DLG2: variants seen among roughly 807,000 people sequenced by gnomAD.
The protein encoded by DLG2 is discs large MAGUK scaffold protein 2.
A neutral mutation model predicts 132.5 loss-of-function variants in DLG2; 45 were observed. The ratio of observed to expected loss-of-function variants is 0.34; its 90% CI spans 0.27 to 0.44. The LOEUF (loss-of-function observed/expected upper bound fraction) is 0.44. Among genes scored for constraint, DLG2 ranks in the 20% least tolerant of loss-of-function variants. DLG2 has a pLI of 1.00. For synonymous variants in DLG2, 424 were observed against 419.6 expected (o/e 1.01, Z -0.13); for missense variants, 1,045 against 1,196.9 (o/e 0.87, Z 1.87).
chr11:84,308,294 A>C (rs574673637), intron 7 of DLG2, among the ~76,000 whole-genome samples: 2 of 152,230 alleles, frequency 1.3e-5, no homozygotes, highest in Admixed American at 1.3e-4. Flanking sequence ...AAGGTTCTCC[A>C]AGTCCCCACC....
chr11:84,375,688 G>C (rs1364405950), intron 7 of DLG2, among the ~76,000 whole-genome samples: 1 of 151,576 alleles, frequency 6.6e-6, no homozygotes, highest in Non-Finnish European at 1.5e-5. Flanking sequence ...TTTAATTACA[G>C]TGTTAGCTGG....
chr11:85,231,236 TG>T (rs2075283992), intron 4 of DLG2, among the ~76,000 whole-genome samples: 1 of 152,016 alleles, frequency 6.6e-6, no homozygotes, highest in Non-Finnish European at 1.5e-5. Flanking sequence ...GAGGCTTTTT[TG>T]TTATAAGTTG....
intron 3 of DLG2, among the ~76,000 whole-genome samples, chr11:85,584,861 T>G (rs2078863187): frequency 6.6e-6 from 1 of 152,244 alleles, no homozygotes; most frequent in Admixed American, 6.5e-5. Flanking sequence ...TGTTTTCTTC[T>G]TGCTGATTTG....
chr11:84,309,128 T>C (rs1005424841), intron 7 of DLG2, among the ~76,000 whole-genome samples: 1 of 152,138 alleles, frequency 6.6e-6, no homozygotes, highest in Non-Finnish European at 1.5e-5. Context: ...AAGTAATTTG[T>C]ACACCAAACC....
chr11:84,190,868 G>A (rs899431823), intron 8 of DLG2, among the ~76,000 whole-genome samples: 11 of 152,050 alleles, frequency 7.2e-5, no homozygotes, highest in African/African-American at 1.9e-4. Flanking sequence ...AACAGCTATC[G>A]TAATAATCTA....
intron 7 of DLG2, among the ~76,000 whole-genome samples, chr11:84,289,005 A>G (rs1397390700): frequency 6.6e-6 from 1 of 152,132 alleles, no homozygotes; most frequent in African/African-American, 2.4e-5. Flanking sequence ...GTCGAAAAGC[A>G]AGGCCCTTAA....
rs78137779 is a variant in DLG2 at position 84,148,428 on chromosome 11, C to T, written c.624+15033G>A. Among the ~76,000 whole-genome samples, 275 of 152,174 alleles carry T rather than the reference C, an allele frequency of 1.8e-3. 2 individuals are homozygous for T. Among genetic ancestry groups the T allele is most frequent in the African/African-American group, 6.5e-3 (270 of 41,514 alleles). On this transcript the variant is annotated intron_variant, in intron 9 of 27. Coordinates refer to ENST00000376104, the MANE Select transcript of DLG2 (RefSeq NM_001142699.3). ...TTATCTATTGTTCCCATGTTTATGTCCATGTGTATCCAATGTTTAATTCTC... is the reference window on the plus strand; with the variant it reads ...TTATCTATTGTTCCCATGTTTATGTTCATGTGTATCCAATGTTTAATTCTC...
intron 3 of DLG2, among the ~76,000 whole-genome samples, chr11:85,436,877 A>G (rs1169912767): frequency 1.3e-5 from 2 of 152,250 alleles, no homozygotes; most frequent in Non-Finnish European, 2.9e-5. Flanking sequence ...ACTGTTCACA[A>G]TAGCAAAGAC....
chr11:84,976,430 T>A (rs916149245), intron 6 of DLG2, among the ~76,000 whole-genome samples: 1 of 152,170 alleles, frequency 6.6e-6, no homozygotes, highest in Non-Finnish European at 1.5e-5. Flanking sequence ...GTACTTGTGA[T>A]AATAAATCAT....
chr11:83,972,518 G>T (rs763201597), intron 12 of DLG2, among the ~76,000 whole-genome samples: 1 of 152,024 alleles, frequency 6.6e-6, no homozygotes, highest in African/African-American at 2.4e-5. Flanking sequence ...TTCCTACAGT[G>T]CCTCTTCCCA....
At chr11:83,948,165 GC>G (rs1211511082) in intron 14 of DLG2, among the ~76,000 whole-genome samples, 1 of 152,012 alleles carries the variant, frequency 6.6e-6, no homozygotes, top group African/African-American at 2.4e-5. Flanking sequence ...AAAGATTAAA[GC>G]AAAACAAAAA....
At position 84,808,044 on chromosome 11, in the gene DLG2, T is replaced by A. The variant is rs569329958; in HGVS notation, c.358-273313A>T. On this transcript the variant is annotated intron_variant, in intron 6 of 27. Coordinates refer to ENST00000376104, the MANE Select transcript of DLG2 (RefSeq NM_001142699.3). Reference sequence around the variant, plus strand: ...CCATAAAAAACTAGAAGAATACATATTTTTTCTCAAGTGCCCATAGAACAT... The same window carrying A: ...CCATAAAAAACTAGAAGAATACATAATTTTTCTCAAGTGCCCATAGAACAT... Among the ~76,000 whole-genome samples, 5 of 152,230 alleles carry A rather than the reference T, an allele frequency of 3.3e-5. No homozygotes were observed. The South Asian group carries it at 1.0e-3, about 32-fold the overall frequency.
At chr11:85,333,557 T>C (rs2081922849) in intron 3 of DLG2, among the ~76,000 whole-genome samples, 1 of 152,174 alleles carries the variant, frequency 6.6e-6, no homozygotes, top group African/African-American at 2.4e-5. Context: ...TAGTATGATG[T>C]TGGCTGTGGG....
At chr11:83,669,398 T>A (rs2153570684) in intron 18 of DLG2, among the ~76,000 whole-genome samples, 1 of 152,326 alleles carries the variant, frequency 6.6e-6, no homozygotes, top group East Asian at 1.9e-4. Flanking sequence ...GTACTCCATC[T>A]TCATGAATAC....
chr11:84,231,804 C>G (rs1189873120), intron 8 of DLG2, among the ~76,000 whole-genome samples: 2 of 152,144 alleles, frequency 1.3e-5, no homozygotes, highest in Admixed American at 6.5e-5. Context: ...GAAGGAAAAT[C>G]AAAATCAGAG....
chr11:83,961,332 T>A (rs2088701241), intron 14 of DLG2, among the ~76,000 whole-genome samples: 1 of 152,022 alleles, frequency 6.6e-6, no homozygotes, highest in Admixed American at 6.6e-5. Context: ...AACTCTGAGG[T>A]CCCTTTCTAG....
At chr11:83,865,848 A>G (rs1261283392) in intron 16 of DLG2, among the ~76,000 whole-genome samples, 1 of 152,142 alleles carries the variant, frequency 6.6e-6, no homozygotes, top group African/African-American at 2.4e-5. Context: ...CCTCCTTATT[A>G]TAAATTTCTA....
chr11:84,931,573 T>G, intron 6 of DLG2, among the ~76,000 whole-genome samples: 1 of 152,218 alleles, frequency 6.6e-6, no homozygotes, highest in East Asian at 1.9e-4. Flanking sequence ...AATGAACATA[T>G]GCAGCCATGT....
At chr11:84,903,947 C>T (rs1165335856) in intron 6 of DLG2, among the ~76,000 whole-genome samples, 2 of 151,966 alleles carry the variant, frequency 1.3e-5, no homozygotes, top group East Asian at 3.9e-4. Context: ...TTTTCAATAA[C>T]ATGATGTGAA....
Sources: gnomAD v4.1 joint callset for allele counts (sites outside exome capture counted in the v4.1 genomes callset) on GRCh38, gnomAD v4.1.1 for gene constraint, MANE v1.5 for transcripts, NCBI Gene and HGNC (gene_info 2026-07-23, HGNC 2026-07-21) for gene names.